CSMD1: variants seen among roughly 807,000 people sequenced by gnomAD.
The protein encoded by CSMD1 is CUB and Sushi multiple domains 1.
CSMD1 carries 213 observed loss-of-function variants against 417.5 expected under a neutral mutation model. The ratio of observed to expected loss-of-function variants is 0.51; its 90% CI spans 0.46 to 0.57. CSMD1 has a LOEUF of 0.57. Ranked by LOEUF, CSMD1 falls within the 20% of genes least tolerant of loss-of-function variation. The pLI, the probability that CSMD1 is intolerant of heterozygous loss-of-function variation, is 0.00. For synonymous variants in CSMD1, 2,862 were observed against 1,736.8 expected, an observed-to-expected ratio of 1.65 and a Z score of -16.11; for missense variants, 6,923 against 4,529.7, an observed-to-expected ratio of 1.53 and a Z score of -15.17.
At chr8:3,601,647 T>C (rs952207939) in intron 8 of CSMD1, among the ~76,000 whole-genome samples, 9 of 152,310 alleles carry the variant, frequency 5.9e-5, no homozygotes, top group African/African-American at 7.2e-5. Flanking sequence ...GTCAACAAAC[T>C]TTAAGGCTAA....
intron 2 of CSMD1, among the ~76,000 whole-genome samples, chr8:4,493,072 C>G (rs1203419591): frequency 1.3e-5 from 2 of 152,090 alleles, no homozygotes; most frequent in African/African-American, 2.4e-5. Flanking sequence ...GAGGTTAATA[C>G]ATTTGCTTAT....
At chr8:3,013,944 C>T (rs1445527138) in intron 52 of CSMD1, among the ~76,000 whole-genome samples, 1 of 152,086 alleles carries the variant, frequency 6.6e-6, no homozygotes, top group African/African-American at 2.4e-5. Flanking sequence ...CATTGCATGG[C>T]AGCACTTGTC....
intron 1 of CSMD1, among the ~76,000 whole-genome samples, chr8:4,668,967 A>T (rs1265162777): frequency 6.6e-6 from 1 of 151,938 alleles, no homozygotes; most frequent in African/African-American, 2.4e-5. Flanking sequence ...TGTTAGCTTT[A>T]TTTCTAATTT....
At chr8:4,665,300 C>G (rs1352467415) in intron 1 of CSMD1, among the ~76,000 whole-genome samples, 1 of 152,200 alleles carries the variant, frequency 6.6e-6, no homozygotes, top group African/African-American at 2.4e-5. Context: ...TGGCCTTCCT[C>G]TCCCTTTGCT....
At chr8:3,919,567 T>G (rs1809083093) in intron 5 of CSMD1, among the ~76,000 whole-genome samples, 1 of 152,146 alleles carries the variant, frequency 6.6e-6, no homozygotes, top group African/African-American at 2.4e-5. Flanking sequence ...TCAGGACATG[T>G]GATGCCTTCA....
intron 10 of CSMD1, among the ~76,000 whole-genome samples, chr8:3,553,745 AAATT>A (rs1799019791): frequency 6.6e-6 from 1 of 152,234 alleles, no homozygotes; most frequent in Non-Finnish European, 1.5e-5. Flanking sequence ...GTAGACATAT[AAATT>A]AATAAATCTA....
At chr8:4,397,883 T>C in intron 3 of CSMD1, among the ~76,000 whole-genome samples, 1 of 152,138 alleles carries the variant, frequency 6.6e-6, no homozygotes, top group East Asian at 1.9e-4. Context: ...TCTTCCAATG[T>C]TCTAATGGCT....
chr8:3,139,988 C>T (rs566492327), intron 41 of CSMD1, among the ~76,000 whole-genome samples: 23 of 151,074 alleles, frequency 1.5e-4, no homozygotes, highest in African/African-American at 4.9e-4. Flanking sequence ...CTGCAACCTC[C>T]GCCTCCCGAG....
intron 26 of CSMD1, among the ~76,000 whole-genome samples, chr8:3,244,161 C>T (rs932836999): frequency 3.9e-5 from 6 of 152,154 alleles, no homozygotes; most frequent in Non-Finnish European, 1.5e-5. Context: ...CTGTTGGGTT[C>T]GAAATCAGGT....
At chr8:4,642,146 T>G (rs771450130) in intron 1 of CSMD1, among the ~76,000 whole-genome samples, 3 of 152,196 alleles carry the variant, frequency 2.0e-5, no homozygotes, top group Non-Finnish European at 4.4e-5. Context: ...GATGGGCAAG[T>G]GCTCGGCAAG....
intron 2 of CSMD1, among the ~76,000 whole-genome samples, chr8:4,612,779 C>T (rs953321213): frequency 6.6e-6 from 1 of 152,188 alleles, no homozygotes; most frequent in Non-Finnish European, 1.5e-5. Context: ...ACTCAACAAA[C>T]AGCACCAGTA....
At chr8:4,702,922 T>C (rs1394443826) in intron 1 of CSMD1, among the ~76,000 whole-genome samples, 1 of 152,150 alleles carries the variant, frequency 6.6e-6, no homozygotes, top group Non-Finnish European at 1.5e-5. Flanking sequence ...GACTGTAGAC[T>C]TCTAAAATGA....
chr8:3,297,949 C>T (rs1804095316), intron 25 of CSMD1, among the ~76,000 whole-genome samples: 1 of 151,876 alleles, frequency 6.6e-6, no homozygotes, highest in Non-Finnish European at 1.5e-5. Flanking sequence ...CTTCAACTGG[C>T]AATTAGTAAA....
intron 3 of CSMD1, among the ~76,000 whole-genome samples, chr8:4,120,747 G>A (rs1378987915): frequency 4.6e-5 from 7 of 152,336 alleles, no homozygotes; most frequent in African/African-American, 1.7e-4. Context: ...GGCTCAGAAT[G>A]TGTCTTAGAG....
Position 4,267,282 on chromosome 8 carries a change from G to C in CSMD1, c.415+152671C>G, listed in dbSNP as rs552948592. ...TAGAAAATATATCATGTTTTAATAT[G>C]TATTAGCTATAACCATTTAGAAAAT... On this transcript the variant is annotated intron_variant, in intron 3 of 69. Coordinates refer to ENST00000635120, the MANE Select transcript of CSMD1 (RefSeq NM_033225.6). Among the ~76,000 whole-genome samples, 7 of 103,440 alleles carry C rather than the reference G, an allele frequency of 6.8e-5. 1 individual carries two copies. Among genetic ancestry groups the C allele is most frequent in the Admixed American group, 6.5e-4 (7 of 10,836 alleles). 67.9% of individuals were successfully genotyped at this position (103,440 alleles called of 152,430 possible).
Position 3,432,508 on chromosome 8 carries a change from C to CTTTT in CSMD1, c.1562-22907_1562-22904dup, listed in dbSNP as rs769207768. The stretch of plus-strand genomic sequence containing the variant: ...AGTTAAAAATTGTTTTCAATATGGG[C>CTTTT]TTTTTTTTTTTTTTTTTTTTGAGAT... On this transcript the variant is annotated intron_variant, in intron 12 of 69. Coordinates refer to ENST00000635120, the MANE Select transcript of CSMD1 (RefSeq NM_033225.6). 3.0e-4 allele frequency among the ~76,000 whole-genome samples: 32 copies of CTTTT among 105,320 alleles called. 1 individual carries two copies. The highest frequency in any genetic ancestry group is 5.4e-4 in the East Asian group (2 of 3,700). 69.1% of individuals were successfully genotyped at this position (105,320 alleles called of 152,430 possible).
At chr8:4,223,719 A>G (rs989268064) in intron 3 of CSMD1, among the ~76,000 whole-genome samples, 1 of 152,212 alleles carries the variant, frequency 6.6e-6, no homozygotes, top group African/African-American at 2.4e-5. Context: ...TGTTATCTGA[A>G]AAATGAGGAA....
At chr8:3,053,428 C>G (rs878979140) in intron 49 of CSMD1, among the ~76,000 whole-genome samples, 7 of 152,110 alleles carry the variant, frequency 4.6e-5, no homozygotes, top group Admixed American at 4.6e-4. Flanking sequence ...GAAAAGTCTT[C>G]CCTTTTTATT....
chr8:4,612,192 T>A lies in CSMD1; in HGVS notation c.302+25150A>T, dbSNP rs149487651. On this transcript the variant is annotated intron_variant, in intron 2 of 69. Transcript: ENST00000635120. ...TTGAACGCTGAGTGCTAAAAAAAAC[T>A]GGCTGCAGGCACACTGCCTTCATCA... Among the ~76,000 whole-genome samples the A allele has an allele frequency of 8.5e-5, 13 of 152,268 alleles. No individual in the cohort carries two copies. In the East Asian group the frequency reaches 1.7e-3, roughly 20 times the overall value.
Sources: allele counts gnomAD v4.1 joint callset (sites outside exome capture counted in the v4.1 genomes callset), GRCh38; gene constraint gnomAD v4.1.1; transcripts MANE v1.5; gene names NCBI Gene and HGNC (gene_info 2026-07-23, HGNC 2026-07-21).